Variants in OR8B3 observed in about 807,000 individuals in gnomAD.
OR8B3 encodes olfactory receptor 8B3.
For synonymous variants in OR8B3, 102 were observed against 135.4 expected (o/e 0.75, Z 1.71); for missense variants, 278 against 377.6 (o/e 0.74, Z 2.19).
intron 1 of OR8B3, among the ~76,000 whole-genome samples, chr11:124,398,046 C>T (rs1041865653): frequency 8.5e-5 from 13 of 152,074 alleles, no homozygotes; most frequent in Non-Finnish European, 1.5e-4. Context: ...ACTTCAGTTT[C>T]CTTGTGATGA....
At chr11:124,400,309 C>T (rs564412434), upstream of OR8B3, among the ~76,000 whole-genome samples, 1 of 152,194 alleles carries the variant, frequency 6.6e-6, no homozygotes, top group East Asian at 1.9e-4. Context: ...ACACACCTAT[C>T]AACTCACATA....
At chr11:124,400,317 A>G (rs1022237097), upstream of OR8B3, among the ~76,000 whole-genome samples, 1 of 152,212 alleles carries the variant, frequency 6.6e-6, no homozygotes, top group Admixed American at 6.5e-5. Flanking sequence ...ATCAACTCAC[A>G]TACTGATTTT....
rs970156409 is a variant in OR8B3 at position 124,398,673 on chromosome 11, A to G, written c.-18+17T>C. 6.6e-6 allele frequency: 1 copy of G among 152,218 alleles called. No individual in the cohort carries two copies. The highest frequency in any genetic ancestry group is 2.4e-5 in the African/African-American group (1 of 41,462). The allele number at this position is 152,218 out of a possible 1,614,324, so 9.4% of individuals were successfully genotyped here. A position where few individuals can be genotyped will look rare whatever the true frequency, so the allele number is the denominator to read the frequency against. On this transcript the variant is annotated intron_variant, in intron 1 of 1. Transcript: ENST00000641139. Reference sequence around the variant, plus strand: ...AGCAACATCCAGGAGAGAGAAATAGAAACTTGATTAACTCACCTTCCTTCC... The same window carrying G: ...AGCAACATCCAGGAGAGAGAAATAGGAACTTGATTAACTCACCTTCCTTCC...
rs2134206384 is a variant in OR8B3 at position 124,397,186 on chromosome 11, G to A, written c.166C>T (p.His56Tyr). The A allele has an allele frequency of 1.2e-6, 2 of 1,612,016 alleles. No homozygotes were observed. Among genetic ancestry groups the A allele is most frequent in the Non-Finnish European group, 1.7e-6 (2 of 1,179,724 alleles). The change falls in exon 2 of 2, where the codon CAC becomes TAC. Residue 56 changes from histidine to tyrosine, a missense_variant. Transcript: ENST00000641139. ...IILFGLNSHLHTPMYYFLFNL... is the reference protein window; with the variant it reads ...IILFGLNSHLYTPMYYFLFNL... ...AAGAGGAAATAGTACATTGGTGTGT[G>A]GAGGTGAGAATTTAGACCGAAAAGA...
the OR8B3 span, among the ~76,000 whole-genome samples, chr11:124,405,373 T>C: frequency 6.6e-6 from 1 of 152,214 alleles, no homozygotes; most frequent in African/African-American, 2.4e-5. Flanking sequence ...TTATGCCGTT[T>C]CAGCACTTCC....
At chr11:124,400,764 C>T (rs986972568), upstream of OR8B3, among the ~76,000 whole-genome samples, 7 of 152,004 alleles carry the variant, frequency 4.6e-5, no homozygotes, top group African/African-American at 1.7e-4. Context: ...TCTCGAACTC[C>T]TGGGCTCAAA....
upstream of OR8B3, among the ~76,000 whole-genome samples, chr11:124,399,207 T>G (rs906100759): frequency 6.6e-6 from 1 of 152,206 alleles, no homozygotes; most frequent in African/African-American, 2.4e-5. Context: ...TTGTCAGAAT[T>G]TTTGCTAATT....
chr11:124,397,009 A>G lies in OR8B3; in HGVS notation c.343T>C (p.Leu115=), dbSNP rs770838525. 6.2e-7 allele frequency: 1 copy of G among 1,613,924 alleles called. No homozygotes were observed. Among genetic ancestry groups the G allele is most frequent in the South Asian group, 1.1e-5 (1 of 91,078 alleles). Residue 115 remains leucine, a synonymous_variant, in exon 2 of 2, where the codon TTG becomes CTG. Coordinates refer to ENST00000641139, the MANE Select transcript of OR8B3 (RefSeq NM_001005467.2). ...LFFVISECYM[L]TSMAYDRYVA... is the part of the protein sequence containing the mutation. ...TAGCGATCATATGCCATTGAGGTCA[A>G]CATGTAACATTCAGAGATGACAAAA... is the stretch of plus-strand genomic sequence containing the variant.
rs1231504594 is a variant in OR8B3 at position 124,396,375 on chromosome 11, G to T, written c.*35C>A. The T allele has an allele frequency of 6.5e-7, 1 of 1,538,724 alleles. No homozygotes were observed. The highest frequency in any genetic ancestry group is 8.7e-7 in the Non-Finnish European group (1 of 1,142,864). On this transcript the variant is annotated 3_prime_UTR_variant, in exon 2 of 2. Transcript: ENST00000641139. ...TGGAACACACTAATAAAAATTTAAAGTTCTTCAATCGTTTTACATTATTAC... is the reference window on the plus strand; with the variant it reads ...TGGAACACACTAATAAAAATTTAAATTTCTTCAATCGTTTTACATTATTAC...
In OR8B3 at chr11:124,396,446, T is replaced by G. The variant is rs1249665134; in HGVS notation, c.906A>C (p.Lys302Asn). ...RNKDVKVALR[K>N]ALIKIQRRNI... is the part of the protein sequence containing the mutation. The stretch of plus-strand genomic sequence containing the variant: ...TTCTTCTCTGAATTTTAATCAGAGC[T>G]TTCCTCAGTGCAACTTTGACATCCT... Residue 302 changes from lysine (K) to asparagine (N), a missense_variant, in exon 2 of 2, where the codon AAA becomes AAC. By Grantham distance (94) the Lys-to-Asn change is moderately conservative. Transcript: ENST00000641139. 5 of 1,611,462 alleles carry G rather than the reference T, an allele frequency of 3.1e-6. No individual in the cohort carries two copies. Among genetic ancestry groups the G allele is most frequent in the East Asian group, 2.2e-5 (1 of 44,894 alleles).
upstream of OR8B3, among the ~76,000 whole-genome samples, chr11:124,401,526 A>T (rs1472236029): frequency 1.3e-5 from 2 of 152,266 alleles, no homozygotes; most frequent in Non-Finnish European, 2.9e-5. Flanking sequence ...ATCAGATTTT[A>T]AAAATATAAG....
In OR8B3 at chr11:124,396,371, T is replaced by A. The variant is rs746969609; in HGVS notation, c.*39A>T. ...TTCATGGAACACACTAATAAAAATTTAAAGTTCTTCAATCGTTTTACATTA... is the reference window on the plus strand; with the variant it reads ...TTCATGGAACACACTAATAAAAATTAAAAGTTCTTCAATCGTTTTACATTA... On this transcript the variant is annotated 3_prime_UTR_variant, in exon 2 of 2. Coordinates refer to ENST00000641139, the MANE Select transcript of OR8B3 (RefSeq NM_001005467.2). 7 of 1,530,132 alleles carry A rather than the reference T, an allele frequency of 4.6e-6. No individual in the cohort carries two copies. The highest frequency in any genetic ancestry group is 5.3e-6 in the Non-Finnish European group (6 of 1,137,178). 94.8% of individuals were successfully genotyped at this position (1,530,132 alleles called of 1,614,324 possible). A position where few individuals can be genotyped will look rare whatever the true frequency, so the allele number is the denominator to read the frequency against.
upstream of OR8B3, among the ~76,000 whole-genome samples, chr11:124,399,399 A>C (rs934462001): frequency 1.2e-4 from 18 of 152,212 alleles, no homozygotes; most frequent in Non-Finnish European, 1.9e-4. Context: ...ATTTTTTAAT[A>C]AAAATTTTGT....
chr11:124,399,815 G>A (rs535438064), upstream of OR8B3, among the ~76,000 whole-genome samples: 1 of 151,962 alleles, frequency 6.6e-6, no homozygotes, highest in Admixed American at 6.5e-5. Flanking sequence ...GTATGTGTGT[G>A]CAAATCTATG....
At chr11:124,405,642 T>G in the OR8B3 span, among the ~76,000 whole-genome samples, 770 of 152,320 alleles carry the variant, frequency 5.1e-3, 5 homozygotes, top group African/African-American at 0.017. Context: ...TTTCCATGAC[T>G]TCTATTTGAA....
At chr11:124,404,124 C>T in the OR8B3 span, 71,089 of 152,086 alleles carry the variant, frequency 0.47, 17,656 homozygotes, top group East Asian at 0.59. Context: ...AGAGGGAGAC[C>T]GTGGGGAGAG....
At chr11:124,397,985 G>A (rs986373528) in intron 1 of OR8B3, among the ~76,000 whole-genome samples, 2 of 152,040 alleles carry the variant, frequency 1.3e-5, no homozygotes, top group African/African-American at 2.4e-5. Context: ...GTGAACCACC[G>A]AGCCTGGCCA....
upstream of OR8B3, among the ~76,000 whole-genome samples, chr11:124,402,783 A>C (rs1007982408): frequency 2.0e-5 from 3 of 152,208 alleles, no homozygotes; most frequent in Admixed American, 6.5e-5. Context: ...GCTTTAAACA[A>C]ATCCATTACA....
Position 124,396,618 on chromosome 11 carries a change from A to G in OR8B3, c.734T>C (p.Val245Ala). ...CCCAAAAAACAGAGACAGAGCAATG[A>G]CATGAGAGCTACAAGTACTGAAGGC... ...SKAFSTCSSH[V>A]IALSLFFGSA... The change falls in exon 2 of 2, where the codon GTC becomes GCC. Residue 245 changes from valine to alanine, a missense_variant. Transcript: ENST00000641139. The G allele has an allele frequency of 4.3e-6, 7 of 1,612,322 alleles. No homozygotes were observed. The highest frequency in any genetic ancestry group is 5.9e-6 in the Non-Finnish European group (7 of 1,179,094).
Sources: gnomAD v4.1 joint callset for allele counts (sites outside exome capture counted in the v4.1 genomes callset) on GRCh38, gnomAD v4.1.1 for gene constraint, MANE v1.5 for transcripts, NCBI Gene and HGNC (gene_info 2026-07-23, HGNC 2026-07-21) for gene names.